HMCN1: variants seen among roughly 807,000 people sequenced by gnomAD.
HMCN1 encodes hemicentin-1.
HMCN1 carries 321 observed loss-of-function variants against 625.9 expected under a neutral mutation model. The observed-to-expected ratio is 0.51, with a 90% CI of 0.47 to 0.56. The LOEUF (loss-of-function observed/expected upper bound fraction) is 0.56. Among genes scored for constraint, HMCN1 ranks in the 20% least tolerant of loss-of-function variants. HMCN1 has a pLI of 0.00. For synonymous variants in HMCN1, 2,425 were observed against 2,417.6 expected, an observed-to-expected ratio of 1.00 and a Z score of -0.09; for missense variants, 6,588 against 6,887.3, an observed-to-expected ratio of 0.96 and a Z score of 1.54.
chr1:185,798,898 G>C (rs1288760371), intron 1 of HMCN1, among the ~76,000 whole-genome samples: 1 of 151,918 alleles, frequency 6.6e-6, no homozygotes, highest in African/African-American at 2.4e-5. Context: ...ATTTTGATTA[G>C]GACCTACTAC....
At chr1:185,961,518 T>C in intron 11 of HMCN1, among the ~76,000 whole-genome samples, 1 of 152,336 alleles carries the variant, frequency 6.6e-6, no homozygotes, top group East Asian at 1.9e-4. Flanking sequence ...ATGAAAGCTG[T>C]CTGTTTCAAA....
At chr1:185,865,475 CACTTCT>C (rs929629738) in intron 3 of HMCN1, among the ~76,000 whole-genome samples, 1 of 152,002 alleles carries the variant, frequency 6.6e-6, no homozygotes, top group African/African-American at 2.4e-5. Flanking sequence ...GTCATGGTCT[CACTTCT>C]ACTTCTACAG....
intron 1 of HMCN1, among the ~76,000 whole-genome samples, chr1:185,819,469 A>G (rs1186047996): frequency 1.3e-5 from 2 of 152,080 alleles, no homozygotes. Context: ...CTCATTGTCC[A>G]TGAGTTCTCT....
chr1:186,037,435 T>G (rs1292080170), intron 36 of HMCN1, among the ~76,000 whole-genome samples: 4 of 152,188 alleles, frequency 2.6e-5, no homozygotes, highest in African/African-American at 4.8e-5. Flanking sequence ...GTGAATAACT[T>G]AAGTCTAAAT....
chr1:186,153,077 C>T (rs1168189424), intron 96 of HMCN1, among the ~76,000 whole-genome samples: 1 of 152,200 alleles, frequency 6.6e-6, no homozygotes, highest in African/African-American at 2.4e-5. Context: ...CCCTCCCTAT[C>T]AGGACCAAGA....
At chr1:186,091,725 G>A (rs1659853750) in intron 64 of HMCN1, among the ~76,000 whole-genome samples, 1 of 151,894 alleles carries the variant, frequency 6.6e-6, no homozygotes, top group South Asian at 2.1e-4. Flanking sequence ...ACACATACCA[G>A]ATTAATTATA....
intron 6 of HMCN1, 27 bp from the exon 7 acceptor site, chr1:185,922,352 A>T: frequency 6.2e-7 from 1 of 1,612,576 alleles, no homozygotes; most frequent in Non-Finnish European, 8.5e-7. Context: ...TCAACTGCTG[A>T]CCAGGTTTGT....
intron 2 of HMCN1, among the ~76,000 whole-genome samples, chr1:185,849,992 A>T (rs570881645): frequency 6.6e-6 from 1 of 152,268 alleles, no homozygotes; most frequent in Non-Finnish European, 1.5e-5. Context: ...TTAGAAACTT[A>T]TATTATATTC....
At position 186,128,113 on chromosome 1, in the gene HMCN1, C is replaced by T. The variant is rs150757082; in HGVS notation, c.12726C>T (p.Asn4242=). Residue 4242 remains asparagine (N), a synonymous_variant, in exon 83 of 107, where the codon AAC becomes AAT. Transcript: ENST00000271588. ...EDSGFYTCVA[N]NAAGEDTHTV... is the part of the protein sequence containing the mutation. ...CTGGCTTCTATACCTGTGTTGCTAA[C>T]AATGCTGCAGGTGAAGATACACACA... 253 of 1,613,382 alleles carry T rather than the reference C, an allele frequency of 1.6e-4. 1 individual carries two copies. Among genetic ancestry groups the T allele is most frequent in the Non-Finnish European group, 2.1e-4 (247 of 1,179,676 alleles).
intron 11 of HMCN1, among the ~76,000 whole-genome samples, chr1:185,938,702 G>T (rs950830168): frequency 1.6e-4 from 24 of 151,964 alleles, no homozygotes; most frequent in Non-Finnish European, 2.9e-4. Flanking sequence ...TGTCCCAGTG[G>T]CCCTTCACCA....
In HMCN1 at chr1:186,082,962, G is replaced by A. The variant is rs747456355; in HGVS notation, c.8884+1G>A. On this transcript the variant is annotated splice_donor_variant, in intron 57 of 106. Coordinates refer to ENST00000271588, the MANE Select transcript of HMCN1 (RefSeq NM_031935.3). LOFTEE classifies it high-confidence loss of function. ...AAATATTTTAACCTCAATGTTCATG[G>A]TAAGAGCTCAGTTCCAAAACCATCT... The A allele has an allele frequency of 6.4e-7, 1 of 1,570,204 alleles. No individual in the cohort carries two copies. The highest frequency in any genetic ancestry group is 1.4e-5 in the African/African-American group (1 of 73,640).
intron 1 of HMCN1, among the ~76,000 whole-genome samples, chr1:185,744,358 A>G (rs1175507010): frequency 6.6e-6 from 1 of 152,166 alleles, no homozygotes; most frequent in Non-Finnish European, 1.5e-5. Flanking sequence ...TATAACGACT[A>G]TAATATATAT....
intron 1 of HMCN1, among the ~76,000 whole-genome samples, chr1:185,744,402 G>T (rs1654241663): frequency 6.6e-6 from 1 of 152,138 alleles, no homozygotes; most frequent in African/African-American, 2.4e-5. Context: ...AAGCATGTAT[G>T]CTTTACTATA....
At chr1:186,040,899 T>A (rs1656157589) in intron 39 of HMCN1, 114 bp from the exon 40 acceptor site, 16 of 1,126,826 alleles carry the variant, frequency 1.4e-5, no homozygotes, top group Non-Finnish European at 2.1e-5. Context: ...CAAGGGAAAA[T>A]CTTCCTAAAA....
chr1:185,981,063 G>T lies in HMCN1; in HGVS notation c.2652G>T (p.Val884=). 1 of 1,598,438 alleles carries T rather than the reference G, an allele frequency of 6.3e-7. No homozygotes were observed. The highest frequency in any genetic ancestry group is 1.1e-5 in the South Asian group (1 of 90,758). ...GKIQSETTVT[V]TGLVAPLIGI... is the part of the protein sequence containing the mutation. The stretch of plus-strand genomic sequence containing the variant: ...TCCAGTCAGAGACAACAGTAACAGT[G>T]ACCGGACTTGGTAAGATCAATTGAA... Residue 884 remains valine (V), a synonymous_variant, in exon 17 of 107, where the codon GTG becomes GTT. Coordinates refer to ENST00000271588, the MANE Select transcript of HMCN1 (RefSeq NM_031935.3).
rs979127566 is a variant in HMCN1, at chr1:186,117,464, C to T, written c.11689C>T (p.Pro3897Ser). ...RTVDLTVQVP[P>S]SIADEPTDFL... ...TGTTGTTGTTGTTGTTTTAGTTCCA[C>T]CTTCCATAGCTGATGAGCCTACAGA... The change falls in exon 77 of 107, where the codon CCT becomes TCT. Residue 3897 changes from proline (P) to serine (S), a missense_variant. By Grantham distance (74) the Pro-to-Ser change is moderately conservative (BLOSUM62 -1). This residue lies in a region of HMCN1 where 4,628 missense variants were observed against 4,853.1 expected (regional missense o/e 0.95). Transcript: ENST00000271588. 1.2e-6 allele frequency: 2 copies of T among 1,613,518 alleles called. No homozygotes were observed. Among genetic ancestry groups the T allele is most frequent in the African/African-American group, 2.7e-5 (2 of 74,858 alleles).
Position 186,114,884 on chromosome 1 carries a change from A to G in HMCN1, c.11342A>G (p.Tyr3781Cys), listed in dbSNP as rs936436386. ...QSAHVTDTGR[Y>C]LCMATNAAGT... ...GCACATGTCACTGACACTGGACGGTATTTGTGTATGGCCACCAATGCTGCT... is the reference window on the plus strand; with the variant it reads ...GCACATGTCACTGACACTGGACGGTGTTTGTGTATGGCCACCAATGCTGCT... The change falls in exon 74 of 107, where the codon TAT becomes TGT. Residue 3781 changes from tyrosine to cysteine, a missense_variant. Physicochemically the swap from Tyr to Cys is radical, Grantham distance 194. Transcript: ENST00000271588. 48 of 1,614,028 alleles carry G rather than the reference A, an allele frequency of 3.0e-5. No individual in the cohort carries two copies. The highest frequency in any genetic ancestry group is 3.9e-5 in the Non-Finnish European group (46 of 1,179,984).
intron 71 of HMCN1, among the ~76,000 whole-genome samples, chr1:186,109,339 A>G (rs1299683158): frequency 6.6e-6 from 1 of 152,186 alleles, no homozygotes; most frequent in African/African-American, 2.4e-5. Flanking sequence ...AACACCAAAC[A>G]TGGAGAGGCC....
chr1:185,887,798 T>C (rs1343750276), intron 4 of HMCN1, among the ~76,000 whole-genome samples: 4 of 138,514 alleles, frequency 2.9e-5, no homozygotes, highest in Non-Finnish European at 4.7e-5. Context: ...AGCAGCATGA[T>C]TTATAGTCCT....
Sources: allele counts gnomAD v4.1 joint callset (sites outside exome capture counted in the v4.1 genomes callset), GRCh38; gene constraint gnomAD v4.1.1; regional missense constraint gnomAD v4.1.1; transcripts MANE v1.5; gene names NCBI Gene and HGNC (gene_info 2026-07-23, HGNC 2026-07-21).